The following KCTD14 variants were observed in gnomAD, a reference collection of about 807,000 sequenced individuals.
The protein encoded by KCTD14 is potassium channel tetramerization domain containing 14, also known as BTB/POZ domain-containing protein KCTD14.
KCTD14 carries 7 observed loss-of-function variants against 5.9 expected under a neutral mutation model. That is an observed-to-expected ratio of 1.19 (90% CI 0.68 to 2.23). KCTD14 has a LOEUF of 2.23. Ranked by LOEUF, KCTD14 falls within the 30% of genes most tolerant of loss-of-function variation. The pLI is 0.00. For synonymous variants in KCTD14, 140 were observed against 133.1 expected, an observed-to-expected ratio of 1.05 and a Z score of -0.36; for missense variants, 342 against 332.2, an observed-to-expected ratio of 1.03 and a Z score of -0.23.
chr11:78,037,468 C>T (rs1318539349), intron 2 of KCTD14, among the ~76,000 whole-genome samples: 1 of 152,190 alleles, frequency 6.6e-6, no homozygotes, highest in East Asian at 1.9e-4. Flanking sequence ...GTGAGTAGGC[C>T]AGTTCACCAG....
At chr11:78,033,899 G>GTACATATATATATATA (rs1322215432) in intron 2 of KCTD14, among the ~76,000 whole-genome samples, 1 of 46,446 alleles carries the variant, frequency 2.2e-5, no homozygotes, top group African/African-American at 5.5e-5. Context: ...ATGTGTGTGT[G>GTACATATATATATATA]TGTATATATA....
chr11:78,022,305 A>G (rs949644176), intron 1 of KCTD14, among the ~76,000 whole-genome samples: 1 of 152,030 alleles, frequency 6.6e-6, no homozygotes, highest in Non-Finnish European at 1.5e-5. Context: ...AGGGAGGGGA[A>G]TATCCTCTGA....
intron 2 of KCTD14, among the ~76,000 whole-genome samples, chr11:78,038,442 G>A (rs758196749): frequency 8.5e-5 from 13 of 152,194 alleles, no homozygotes; most frequent in Non-Finnish European, 1.6e-4. Flanking sequence ...ACTGTCCACT[G>A]TCACTCAGAA....
At chr11:78,043,269 A>G (rs969656560) in intron 1 of KCTD14, among the ~76,000 whole-genome samples, 3 of 152,230 alleles carry the variant, frequency 2.0e-5, no homozygotes, top group African/African-American at 7.2e-5. Flanking sequence ...TGTTGCTTGT[A>G]TTATCCACAA....
At chr11:78,023,515 TTTC>T, upstream of KCTD14, 5 of 463,172 alleles carry the variant, frequency 1.1e-5, no homozygotes, top group Admixed American at 4.0e-5. Context: ...TCTTTCTTTC[TTTC>T]TTTTTTTTTT....
intron 1 of KCTD14, among the ~76,000 whole-genome samples, chr11:78,019,293 C>T (rs747518061): frequency 6.6e-6 from 1 of 152,024 alleles, no homozygotes; most frequent in African/African-American, 2.4e-5. Context: ...GGATTACAGG[C>T]GTGAGCCACA....
At chr11:78,021,149 A>G (rs887861009) in intron 1 of KCTD14, among the ~76,000 whole-genome samples, 3 of 151,832 alleles carry the variant, frequency 2.0e-5, no homozygotes, top group African/African-American at 7.3e-5. Flanking sequence ...CTAAAAATAC[A>G]AAAAATTAGC....
chr11:78,032,117 G>C lies in KCTD14; in HGVS notation c.-1+6547C>G, dbSNP rs77913300. 2.6e-5 allele frequency among the ~76,000 whole-genome samples: 4 copies of C among 152,330 alleles called. No individual in the cohort carries two copies. The East Asian group carries it at 7.7e-4, about 29-fold the overall frequency. ...CCCCTACCATTTCTGGGAGGAATCT[G>C]GGAGGCCCTGTACTGTCAGTGCCAG... On this transcript the variant is annotated intron_variant, in intron 2 of 2. Transcript: ENST00000533144.
upstream of KCTD14, chr11:78,023,383 A>T: frequency 1.2e-6 from 1 of 817,212 alleles, no homozygotes; most frequent in East Asian, 2.8e-5. Flanking sequence ...AGAAATGGAC[A>T]GTCTGTCTAT....
chr11:78,026,088 G>A (rs1467908556), upstream of KCTD14, among the ~76,000 whole-genome samples: 1 of 152,142 alleles, frequency 6.6e-6, no homozygotes, highest in Non-Finnish European at 1.5e-5. Context: ...GATGTCCTCA[G>A]GTCATGTGCC....
intron 1 of KCTD14, among the ~76,000 whole-genome samples, chr11:78,020,583 A>G (rs1305778832): frequency 6.6e-6 from 1 of 152,248 alleles, no homozygotes; most frequent in Non-Finnish European, 1.5e-5. Context: ...TCACCTCTGT[A>G]AAGCTCGCAG....
chr11:78,025,110 GTGTGTGTGTATA>G (rs1438212933), upstream of KCTD14, among the ~76,000 whole-genome samples: 54 of 70,016 alleles, frequency 7.7e-4, no homozygotes, highest in African/African-American at 3.4e-3. Context: ...GTGTGTGTGT[GTGTGTGTGTATA>G]TATATATATA....
chr11:78,029,957 G>A (rs1055189372), intron 2 of KCTD14, among the ~76,000 whole-genome samples: 3 of 151,592 alleles, frequency 2.0e-5, no homozygotes, highest in Non-Finnish European at 4.4e-5. Context: ...AATTTTTTTT[G>A]TATTTTTTAG....
At chr11:78,018,706 CA>C (rs10718775) in intron 1 of KCTD14, among the ~76,000 whole-genome samples, 95,165 of 148,378 alleles carry the variant, frequency 0.64, 31,026 homozygotes, top group African/African-American at 0.77. Context: ...GAGTCCAACT[CA>C]AAAAAAAAAA....
intron 2 of KCTD14, among the ~76,000 whole-genome samples, chr11:78,035,744 C>A (rs1174268874): frequency 6.8e-6 from 1 of 147,620 alleles, no homozygotes; most frequent in Non-Finnish European, 1.5e-5. Flanking sequence ...ACTTGGTAGG[C>A]TGAGGCAGGA....
intron 1 of KCTD14, among the ~76,000 whole-genome samples, chr11:78,044,222 C>G (rs1483768851): frequency 6.6e-6 from 1 of 152,160 alleles, no homozygotes; most frequent in African/African-American, 2.4e-5. Context: ...GGAGAACTAT[C>G]TGGGGAGTCT....
At chr11:78,033,199 T>A (rs1005726046) in intron 2 of KCTD14, among the ~76,000 whole-genome samples, 3 of 152,228 alleles carry the variant, frequency 2.0e-5, no homozygotes, top group African/African-American at 2.4e-5. Context: ...AGAGCACACA[T>A]GTGCAAAGAC....
upstream of KCTD14, among the ~76,000 whole-genome samples, chr11:78,024,267 C>T (rs1857383681): frequency 6.6e-6 from 1 of 151,604 alleles, no homozygotes; most frequent in African/African-American, 2.4e-5. Flanking sequence ...TGCCTGTAAT[C>T]CCAGATACTG....
chr11:78,030,117 C>G (rs1177728257), intron 2 of KCTD14, among the ~76,000 whole-genome samples: 1 of 152,164 alleles, frequency 6.6e-6, no homozygotes, highest in Non-Finnish European at 1.5e-5. Flanking sequence ...AGCAAGAGCT[C>G]TCTCTGTCTC....
Sources: allele counts gnomAD v4.1 joint callset (sites outside exome capture counted in the v4.1 genomes callset), GRCh38; gene constraint gnomAD v4.1.1; transcripts MANE v1.5; gene names NCBI Gene and HGNC (gene_info 2026-07-23, HGNC 2026-07-21).